Variants in TERF2 observed in about 807,000 individuals in gnomAD.
The protein encoded by TERF2 is telomeric repeat binding factor 2, also known as telomeric repeat-binding factor 2.
TERF2 carries 16 observed loss-of-function variants against 56.1 expected under a neutral mutation model. The ratio of observed to expected loss-of-function variants is 0.29; its 90% CI spans 0.19 to 0.43. TERF2 has a LOEUF of 0.43. Among genes scored for constraint, TERF2 ranks in the 20% least tolerant of loss-of-function variants. The pLI is 1.00. For missense variants in TERF2, 547 were observed against 712.9 expected, an observed-to-expected ratio of 0.77 and a Z score of 2.65; for synonymous variants, 296 against 282.1, an observed-to-expected ratio of 1.05 and a Z score of -0.50.
chr16:69,362,842 C>T (rs2142715282), intron 7 of TERF2, among the ~76,000 whole-genome samples: 1 of 152,198 alleles, frequency 6.6e-6, no homozygotes, highest in Admixed American at 6.5e-5. Context: ...ATCAAATGAC[C>T]CGCAAAAGTT....
chr16:69,372,621 G>C (rs1265591918), intron 3 of TERF2, among the ~76,000 whole-genome samples: 1 of 152,090 alleles, frequency 6.6e-6, no homozygotes, highest in African/African-American at 2.4e-5. Flanking sequence ...AATTAGCCAG[G>C]CATGGTGGTG....
At chr16:69,373,461 G>A (rs2013650951) in intron 3 of TERF2, among the ~76,000 whole-genome samples, 1 of 152,178 alleles carries the variant, frequency 6.6e-6, no homozygotes, top group African/African-American at 2.4e-5. Flanking sequence ...GAAGTTATAT[G>A]ATAGAATAAA....
intron 5 of TERF2, chr16:69,368,699 G>A: frequency 8.2e-7 from 1 of 1,214,032 alleles, no homozygotes; most frequent in Non-Finnish European, 1.1e-6. Flanking sequence ...TTTTTTGAGA[G>A]GGAGTCTTGC....
intron 3 of TERF2, among the ~76,000 whole-genome samples, chr16:69,374,829 G>A (rs2013714555): frequency 6.6e-6 from 1 of 151,886 alleles, no homozygotes; most frequent in Non-Finnish European, 1.5e-5. Flanking sequence ...GACGGGCATG[G>A]TAGTGCGCAC....
At position 69,357,811 on chromosome 16, in the gene TERF2, C is replaced by G. The variant is rs9925619; in HGVS notation, c.1427-250G>C. The stretch of plus-strand genomic sequence containing the variant: ...CATCCGTAAATGCTGGCTAGTGATG[C>G]GTTTCAAGCTCTTCAGTAAAATCAA... On this transcript the variant is annotated intron_variant, in intron 8 of 9. Coordinates refer to ENST00000254942, the MANE Select transcript of TERF2 (RefSeq NM_005652.5). 0.3 allele frequency among the ~76,000 whole-genome samples: 45,250 copies of G among 150,920 alleles called. 7,472 individuals are homozygous for G. The highest frequency in any genetic ancestry group is 0.41 in the African/African-American group (16,790 of 41,004).
At chr16:69,370,223 G>T in intron 5 of TERF2, 1 of 456,370 alleles carries the variant, frequency 2.2e-6, no homozygotes. Flanking sequence ...TAGAGATGGG[G>T]TTTCACCATG....
At chr16:69,382,536 A>C (rs1341635166) in intron 3 of TERF2, among the ~76,000 whole-genome samples, 1 of 152,186 alleles carries the variant, frequency 6.6e-6, no homozygotes, top group Non-Finnish European at 1.5e-5. Context: ...TATGACCAAG[A>C]GCATATGGTG....
At chr16:69,379,803 C>A (rs2013928266) in intron 3 of TERF2, among the ~76,000 whole-genome samples, 1 of 152,116 alleles carries the variant, frequency 6.6e-6, no homozygotes, top group Non-Finnish European at 1.5e-5. Flanking sequence ...AGAAGGGTGA[C>A]ATTTGTTTTT....
In TERF2 at chr16:69,385,792, C is replaced by G; in HGVS notation, c.180G>C (p.Arg60=). The G allele has an allele frequency of 2.3e-6, 3 of 1,295,732 alleles. No homozygotes were observed. In the South Asian group the frequency reaches 7.4e-5, roughly 32 times the overall value. The allele number at this position is 1,295,732 out of a possible 1,614,324, so 80.3% of individuals were successfully genotyped here. ...SDGSGRAAGR[R]ASRSSGRARR... ...GGGCCCGCCCGCTACTGCGGGACGC[C>G]CGCCTGCCAGCTGCCCGCCCGCTGC... Residue 60 remains arginine, a synonymous_variant, in exon 1 of 10, where the codon CGG becomes CGC. Coordinates refer to ENST00000254942, the MANE Select transcript of TERF2 (RefSeq NM_005652.5).
At chr16:69,376,863 GA>G (rs59645035) in intron 3 of TERF2, among the ~76,000 whole-genome samples, 72 of 110,990 alleles carry the variant, frequency 6.5e-4, no homozygotes, top group East Asian at 5.8e-3. Context: ...TTGTCACATT[GA>G]AAAAAAAAAA....
intron 3 of TERF2, among the ~76,000 whole-genome samples, chr16:69,377,335 T>A (rs1472226154): frequency 6.6e-6 from 1 of 152,108 alleles, no homozygotes; most frequent in East Asian, 1.9e-4. Flanking sequence ...GTCTTAATTT[T>A]TTTTCTTTTT....
chr16:69,384,854 G>T, intron 2 of TERF2, 144 bp from the exon 3 acceptor site: 1 of 764,540 alleles, frequency 1.3e-6, no homozygotes, highest in Non-Finnish European at 1.9e-6. Flanking sequence ...ATTTGCTACA[G>T]GTTGACATAC....
chr16:69,384,807 G>T, intron 2 of TERF2, 97 bp from the exon 3 acceptor site: 1 of 1,123,432 alleles, frequency 8.9e-7, no homozygotes, highest in Non-Finnish European at 1.2e-6. Context: ...AATGGAGCAT[G>T]CAAATATGGT....
intron 9 of TERF2, 33 bp downstream of exon 9, chr16:69,357,485 T>A: frequency 6.3e-7 from 1 of 1,587,686 alleles, no homozygotes; most frequent in South Asian, 1.1e-5. Flanking sequence ...TCTACCCACA[T>A]AACCAGTAAC....
rs1227788390 is a variant in TERF2 at position 69,378,691 on chromosome 16, T to C, written c.606+5889A>G. On this transcript the variant is annotated intron_variant, in intron 3 of 9. Coordinates refer to ENST00000254942, the MANE Select transcript of TERF2 (RefSeq NM_005652.5). ...GGTGGAACTTCAAATTCTGGTCTCC[T>C]TCCCTATATGCCTATTTCCAGATAG... 3.9e-5 allele frequency among the ~76,000 whole-genome samples: 6 copies of C among 152,308 alleles called. No individual in the cohort carries two copies. In the East Asian group the frequency reaches 1.2e-3, roughly 29 times the overall value.
intron 5 of TERF2, chr16:69,370,224 T>G: frequency 2.2e-6 from 1 of 456,270 alleles, no homozygotes. Flanking sequence ...AGAGATGGGG[T>G]TTCACCATGT....
chr16:69,361,538 A>G (rs1318232038), intron 7 of TERF2, 49 bp from the exon 8 acceptor site: 3 of 1,296,850 alleles, frequency 2.3e-6, no homozygotes, highest in Non-Finnish European at 3.4e-6. Context: ...TTCACCCTGG[A>G]TTGTCCCAGA....
At chr16:69,364,450 G>T (rs3743669) in intron 7 of TERF2, among the ~76,000 whole-genome samples, 33,795 of 151,962 alleles carry the variant, frequency 0.22, 4,108 homozygotes, top group Middle Eastern at 0.29. Flanking sequence ...TGTATTTTTT[G>T]AGCATTCCAC....
intron 3 of TERF2, among the ~76,000 whole-genome samples, chr16:69,376,615 G>A (rs1338668896): frequency 2.6e-5 from 4 of 151,356 alleles, no homozygotes; most frequent in Non-Finnish European, 5.9e-5. Context: ...GAAGGTTGAG[G>A]TGGGAGCGTC....
Sources: allele counts gnomAD v4.1 joint callset (sites outside exome capture counted in the v4.1 genomes callset), GRCh38; gene constraint gnomAD v4.1.1; transcripts MANE v1.5; gene names NCBI Gene and HGNC (gene_info 2026-07-23, HGNC 2026-07-21).